The following PPARD variants were observed in gnomAD, a reference collection of about 807,000 sequenced individuals.
The protein encoded by PPARD is peroxisome proliferator-activated receptor delta.
PPARD carries 6 observed loss-of-function variants against 39.5 expected under a neutral mutation model. The ratio of observed to expected loss-of-function variants is 0.15; its 90% CI spans 0.08 to 0.30. PPARD has a LOEUF of 0.30. Among genes scored for constraint, PPARD ranks in the 10% least tolerant of loss-of-function variants. PPARD has a pLI of 1.00. For synonymous variants in PPARD, 210 were observed against 231.3 expected (o/e 0.91, Z 0.83); for missense variants, 397 against 596.8 (o/e 0.67, Z 3.49).
intron 2 of PPARD, among the ~76,000 whole-genome samples, chr6:35,389,719 A>G (rs968471064): frequency 6.6e-6 from 1 of 152,272 alleles, no homozygotes; most frequent in East Asian, 1.9e-4. Context: ...TTATACCCCA[A>G]TTATAAATCA....
chr6:35,398,537 A>G (rs1004939323), intron 2 of PPARD, among the ~76,000 whole-genome samples: 5 of 152,220 alleles, frequency 3.3e-5, no homozygotes, highest in African/African-American at 7.2e-5. Flanking sequence ...GGGAATCATC[A>G]GCATACTGAA....
intron 1 of PPARD, among the ~76,000 whole-genome samples, chr6:35,345,562 C>T (rs1449820158): frequency 6.6e-6 from 1 of 152,188 alleles, no homozygotes; most frequent in Non-Finnish European, 1.5e-5. Context: ...ACACTGACTG[C>T]TCGTTCAGGT....
chr6:35,380,476 GTTTTTTTTTTTTTT>G lies in PPARD; in HGVS notation c.-101-30494_-101-30481del, dbSNP rs71002557. On this transcript the variant is annotated intron_variant, in intron 2 of 7. Transcript: ENST00000360694. ...AACCTCGTGTTTTTTTTTTTTGTTT[GTTTTTTTTTTTTTT>G]TTTTTTTTTTTTTTTTGAGACAAGG... is the stretch of plus-strand genomic sequence containing the variant. 1.3e-3 allele frequency among the ~76,000 whole-genome samples: 90 copies of G among 67,160 alleles called. 1 individual carries two copies. The East Asian group carries it at 0.036, about 27-fold the overall frequency. The allele number at this position is 67,160 out of a possible 152,430, so 44.1% of individuals were successfully genotyped here.
rs115597346 is a variant in PPARD, at chr6:35,404,390, T to C, written c.-101-6597T>C. On this transcript the variant is annotated intron_variant, in intron 2 of 7. Coordinates refer to ENST00000360694, the MANE Select transcript of PPARD (RefSeq NM_006238.5). The stretch of plus-strand genomic sequence containing the variant: ...TAAGTCCTTGGAGAAGGGAAGCTAG[T>C]ACTATTGTGATGGAGGTGGTGATCC... Among the ~76,000 whole-genome samples, 587 of 152,314 alleles carry C rather than the reference T, an allele frequency of 3.9e-3. 1 individual carries two copies. The highest frequency in any genetic ancestry group is 0.014 in the Middle Eastern group (4 of 294).
At chr6:35,396,448 C>T (rs1432415218) in intron 2 of PPARD, among the ~76,000 whole-genome samples, 2 of 150,484 alleles carry the variant, frequency 1.3e-5, no homozygotes, top group African/African-American at 4.9e-5. Context: ...TCGTGATCCA[C>T]ACACCTCGGC....
intron 2 of PPARD, among the ~76,000 whole-genome samples, chr6:35,361,419 G>C (rs967978650): frequency 2.6e-5 from 4 of 152,154 alleles, no homozygotes; most frequent in Non-Finnish European, 4.4e-5. Context: ...AGGCCAAGGT[G>C]GGAGGGTCAC....
chr6:35,402,439 G>A (rs1316838162), intron 2 of PPARD, among the ~76,000 whole-genome samples: 3 of 152,160 alleles, frequency 2.0e-5, no homozygotes, highest in African/African-American at 7.2e-5. Flanking sequence ...GGGTGGGTGG[G>A]CACACCCAAG....
chr6:35,353,845 G>A (rs576091393), intron 2 of PPARD, among the ~76,000 whole-genome samples: 1 of 152,276 alleles, frequency 6.6e-6, no homozygotes, highest in African/African-American at 2.4e-5. Context: ...GTTTCCCTGA[G>A]GCACTGGCTT....
chr6:35,346,552 G>T (rs1792196325), intron 1 of PPARD, among the ~76,000 whole-genome samples: 3 of 152,208 alleles, frequency 2.0e-5, no homozygotes, highest in South Asian at 4.1e-4. Flanking sequence ...GCTTGCAACA[G>T]CTGGATTCCA....
chr6:35,373,030 A>G (rs1489358668), intron 2 of PPARD, among the ~76,000 whole-genome samples: 2 of 152,192 alleles, frequency 1.3e-5, no homozygotes, highest in Non-Finnish European at 2.9e-5. Context: ...TCCACTTCCA[A>G]GATGGCACCT....
At chr6:35,386,865 G>C (rs1448689812) in intron 2 of PPARD, among the ~76,000 whole-genome samples, 3 of 152,018 alleles carry the variant, frequency 2.0e-5, no homozygotes, top group Non-Finnish European at 1.5e-5. Flanking sequence ...TGCTGTGTGG[G>C]ACCCTTAGTG....
chr6:35,421,700 A>G, intron 4 of PPARD, 120 bp from the exon 5 acceptor site: 3 of 1,134,662 alleles, frequency 2.6e-6, no homozygotes, highest in Non-Finnish European at 3.7e-6. Context: ...CTCCAAAAAA[A>G]TTTCTTCTCG....
At chr6:35,369,287 T>C (rs1205210001) in intron 2 of PPARD, among the ~76,000 whole-genome samples, 1 of 152,214 alleles carries the variant, frequency 6.6e-6, no homozygotes, top group African/African-American at 2.4e-5. Context: ...AATGTTACTT[T>C]TTAGCAGTTT....
intron 2 of PPARD, chr6:35,397,450 C>A: frequency 1.2e-6 from 1 of 821,900 alleles, no homozygotes; most frequent in Non-Finnish European, 1.5e-6. Context: ...CGCTCTCCAC[C>A]ACATTTCTAC....
intron 2 of PPARD, among the ~76,000 whole-genome samples, chr6:35,362,646 C>T (rs1761989566): frequency 1.3e-5 from 2 of 152,094 alleles, no homozygotes; most frequent in Non-Finnish European, 2.9e-5. Context: ...GTCCCTGGTG[C>T]TGTCTTGAGT....
intron 2 of PPARD, among the ~76,000 whole-genome samples, chr6:35,361,497 AT>A (rs1264731591): frequency 6.6e-6 from 1 of 152,202 alleles, no homozygotes; most frequent in Non-Finnish European, 1.5e-5. Context: ...ATTTAAAAAA[AT>A]AAAATAATAA....
chr6:35,344,767 G>C (rs1792066731), intron 1 of PPARD, among the ~76,000 whole-genome samples: 1 of 152,122 alleles, frequency 6.6e-6, no homozygotes, highest in Non-Finnish European at 1.5e-5. Flanking sequence ...AGCTTGACCA[G>C]ACTTTAAAGT....
intron 2 of PPARD, among the ~76,000 whole-genome samples, chr6:35,392,445 A>T (rs1764064262): frequency 6.6e-6 from 1 of 152,000 alleles, no homozygotes; most frequent in Admixed American, 6.5e-5. Context: ...TGGGAAGTAC[A>T]GGCTGCACAT....
intron 2 of PPARD, among the ~76,000 whole-genome samples, chr6:35,354,606 C>T (rs1004178031): frequency 4.6e-5 from 7 of 152,136 alleles, no homozygotes; most frequent in East Asian, 1.9e-4. Flanking sequence ...GGTTCTCATA[C>T]GACCATTCTG....
Sources: allele counts gnomAD v4.1 joint callset (sites outside exome capture counted in the v4.1 genomes callset), GRCh38; gene constraint gnomAD v4.1.1; transcripts MANE v1.5; gene names NCBI Gene and HGNC (gene_info 2026-07-23, HGNC 2026-07-21).